The following HYDIN variants were observed in gnomAD, a reference collection of about 807,000 sequenced individuals.
The protein encoded by HYDIN is HYDIN axonemal central pair apparatus protein.
In HYDIN, 132 loss-of-function variants were observed where a neutral mutation model predicts 403.9. That is an observed-to-expected ratio of 0.33 (90% CI 0.28 to 0.38). The LOEUF (loss-of-function observed/expected upper bound fraction) is 0.38, where lower values mean the gene tolerates loss of function less well. Ranked by LOEUF, HYDIN falls within the 10% of genes least tolerant of loss-of-function variation. The probability of loss-of-function intolerance (pLI) is 1.00; values close to 1 mark genes in which losing one functional copy is unlikely to be tolerated. For missense variants in HYDIN, 2,827 were observed against 5,009.5 expected (o/e 0.56, Z 13.15); for synonymous variants, 1,202 against 1,891.7 (o/e 0.64, Z 9.46).
intron 1 of HYDIN, among the ~76,000 whole-genome samples, chr16:71,227,161 G>A (rs1024644297): frequency 2.6e-5 from 4 of 151,644 alleles, no homozygotes; most frequent in African/African-American, 9.7e-5. Flanking sequence ...GTGTGTGTGT[G>A]TGTATATATA....
chr16:71,129,730 A>G lies in HYDIN; in HGVS notation c.1137T>C (p.Ser379=), dbSNP rs754102694. 1.5e-5 allele frequency: 25 copies of G among 1,614,130 alleles called. No individual in the cohort carries two copies. The highest frequency in any genetic ancestry group is 2.0e-5 in the Non-Finnish European group (24 of 1,180,052). The change falls in exon 9 of 86, where the codon TCT becomes TCC. Residue 379 remains serine (S), a synonymous_variant. Coordinates refer to ENST00000393567, the MANE Select transcript of HYDIN (RefSeq NM_001270974.2). ...GATTCGCAAAGGTTCGGGACAGAAC[A>G]GAAAGATGTTCTCGGAGTAAAGGAT... The part of the protein sequence containing the change: ...ITDPLLREHL[S]VLSRTFANQR...
chr16:71,098,202 TC>T (rs139374853), intron 10 of HYDIN, among the ~76,000 whole-genome samples: 8,061 of 123,544 alleles, frequency 0.065, 896 homozygotes, highest in African/African-American at 0.26. Context: ...AAACTTTCTT[TC>T]TTTTTTTTTT....
chr16:71,011,855 T>C (rs1402140672), intron 23 of HYDIN, among the ~76,000 whole-genome samples: 9 of 151,462 alleles, frequency 5.9e-5, no homozygotes, highest in Admixed American at 2.6e-4. Context: ...AATCTCCATA[T>C]TGGCTGGCTG....
At chr16:71,065,699 T>C (rs1400155675) in intron 15 of HYDIN, among the ~76,000 whole-genome samples, 1 of 152,118 alleles carries the variant, frequency 6.6e-6, no homozygotes, top group Non-Finnish European at 1.5e-5. Context: ...ATTCTAGGGA[T>C]TGATATTGGC....
intron 1 of HYDIN, among the ~76,000 whole-genome samples, chr16:71,213,495 T>C (rs1387215816): frequency 1.3e-5 from 2 of 152,124 alleles, no homozygotes; most frequent in Non-Finnish European, 2.9e-5. Flanking sequence ...ACATGTTGGA[T>C]TCTTAAGGAA....
intron 67 of HYDIN, among the ~76,000 whole-genome samples, chr16:70,864,383 A>C (rs2039614449): frequency 8.7e-6 from 1 of 114,890 alleles, no homozygotes; most frequent in South Asian, 3.3e-4. Context: ...AAAAAAAAAA[A>C]AAACAGGGAG....
intron 17 of HYDIN, among the ~76,000 whole-genome samples, chr16:71,061,919 A>T (rs1277482857): frequency 2.0e-5 from 3 of 149,938 alleles, no homozygotes; most frequent in Non-Finnish European, 4.4e-5. Flanking sequence ...AGAGAGAGAA[A>T]CTCCTGGTAT....
At chr16:71,210,634 A>T (rs1233167130) in intron 1 of HYDIN, among the ~76,000 whole-genome samples, 1 of 152,172 alleles carries the variant, frequency 6.6e-6, no homozygotes, top group Non-Finnish European at 1.5e-5. Context: ...AACAAGCCAC[A>T]CATGTACCCC....
At chr16:71,228,395 T>A (rs1055023394) in intron 1 of HYDIN, among the ~76,000 whole-genome samples, 2 of 151,878 alleles carry the variant, frequency 1.3e-5, no homozygotes, top group Non-Finnish European at 2.9e-5. Flanking sequence ...TGGGAGAAAA[T>A]TTTTGCAATC....
At chr16:71,107,717 T>C (rs575108458) in intron 10 of HYDIN, among the ~76,000 whole-genome samples, 2 of 152,018 alleles carry the variant, frequency 1.3e-5, no homozygotes, top group African/African-American at 2.4e-5. Context: ...TTATACACTG[T>C]TGGTGGGAGT....
chr16:70,848,715 C>A, intron 75 of HYDIN, among the ~76,000 whole-genome samples: 1 of 97,912 alleles, frequency 1.0e-5, no homozygotes, highest in Non-Finnish European at 2.1e-5. Flanking sequence ...GCCAATTCTG[C>A]TTTATCTTTC....
At chr16:70,984,083 G>C (rs1008942998) in intron 28 of HYDIN, among the ~76,000 whole-genome samples, 1 of 152,264 alleles carries the variant, frequency 6.6e-6, no homozygotes, top group African/African-American at 2.4e-5. Flanking sequence ...AATTTGGGCT[G>C]GGCGAGATGG....
At chr16:71,071,868 T>C (rs1346733492) in intron 13 of HYDIN, among the ~76,000 whole-genome samples, 2 of 152,212 alleles carry the variant, frequency 1.3e-5, no homozygotes, top group Non-Finnish European at 2.9e-5. Flanking sequence ...ACTGGGGGAT[T>C]CATGGAATAT....
rs879082534 is a variant in HYDIN at position 70,921,343 on chromosome 16, C to G, written c.7159-126G>C. ...TCCGAGGATCTGGGCACCTCCCCTG[C>G]ACGCTAAGGTTGTGCCTGGGAATCA... On this transcript the variant is annotated intron_variant, in intron 45 of 85. Coordinates refer to ENST00000393567, the MANE Select transcript of HYDIN (RefSeq NM_001270974.2). 7 of 832,070 alleles carry G rather than the reference C, an allele frequency of 8.4e-6. No individual in the cohort carries two copies. The South Asian group carries it at 1.2e-4, about 14-fold the overall frequency. 51.5% of individuals were successfully genotyped at this position (832,070 alleles called of 1,614,324 possible).
chr16:70,856,567 G>T (rs1428948486), intron 72 of HYDIN, among the ~76,000 whole-genome samples: 1 of 147,862 alleles, frequency 6.8e-6, no homozygotes, highest in Non-Finnish European at 1.5e-5. Flanking sequence ...TAGAGTTTTT[G>T]TTGGGAATGT....
At chr16:71,029,875 T>G (rs1168437190) in intron 19 of HYDIN, among the ~76,000 whole-genome samples, 2 of 152,136 alleles carry the variant, frequency 1.3e-5, no homozygotes, top group African/African-American at 4.8e-5. Context: ...TTTCAGGGCC[T>G]GTGAGCCCAG....
At chr16:71,170,336 T>C (rs925149710) in intron 5 of HYDIN, among the ~76,000 whole-genome samples, 2 of 152,184 alleles carry the variant, frequency 1.3e-5, no homozygotes, top group Non-Finnish European at 2.9e-5. Context: ...ATGATCTTTA[T>C]TGGATCATTA....
chr16:71,172,708 C>T (rs374355106), intron 5 of HYDIN, among the ~76,000 whole-genome samples: 4 of 152,028 alleles, frequency 2.6e-5, no homozygotes, highest in East Asian at 1.9e-4. Flanking sequence ...TACTGAAAAT[C>T]CAATTGAAAG....
rs1189777846 is a variant in HYDIN, at chr16:71,031,231, T to C, written c.2768+448A>G. Among the ~76,000 whole-genome samples, 3 of 138,040 alleles carry C rather than the reference T, an allele frequency of 2.2e-5. No homozygotes were observed. In the East Asian group the frequency reaches 6.4e-4, roughly 29 times the overall value. The allele number at this position is 138,040 out of a possible 152,430, so 90.6% of individuals were successfully genotyped here. Reference sequence around the variant, plus strand: ...AAAAAAAAAAAAAAAAAAAAGCTGCTGGCTCTGCAATAGCTGATAAAATAC... The same window carrying C: ...AAAAAAAAAAAAAAAAAAAAGCTGCCGGCTCTGCAATAGCTGATAAAATAC... On this transcript the variant is annotated intron_variant, in intron 19 of 85. Coordinates refer to ENST00000393567, the MANE Select transcript of HYDIN (RefSeq NM_001270974.2).
Sources: gnomAD v4.1 joint callset for allele counts (sites outside exome capture counted in the v4.1 genomes callset) on GRCh38, gnomAD v4.1.1 for gene constraint, MANE v1.5 for transcripts, NCBI Gene and HGNC (gene_info 2026-07-23, HGNC 2026-07-21) for gene names.